ZFHX3: variants seen among roughly 807,000 people sequenced by gnomAD.
ZFHX3 encodes zinc finger homeobox 3.
A neutral mutation model predicts 279.1 loss-of-function variants in ZFHX3; 42 were observed. The ratio of observed to expected loss-of-function variants is 0.15; its 90% CI spans 0.12 to 0.19. The LOEUF (loss-of-function observed/expected upper bound fraction) is 0.19. ZFHX3 is among the 10% of genes least tolerant of loss of function. ZFHX3 has a pLI of 1.00. For missense variants in ZFHX3, 4,981 were observed against 4,754.0 expected, an observed-to-expected ratio of 1.05 and a Z score of -1.40; for synonymous variants, 2,293 against 1,957.8, an observed-to-expected ratio of 1.17 and a Z score of -4.52.
At chr16:73,503,471 T>G (rs753484143) in intron 2 of ZFHX3, among the ~76,000 whole-genome samples, 2 of 152,188 alleles carry the variant, frequency 1.3e-5, no homozygotes, top group Non-Finnish European at 2.9e-5. Flanking sequence ...ACCGCACGTG[T>G]CTGCTCTTGG....
chr16:73,586,969 G>A (rs2051933611), intron 2 of ZFHX3, among the ~76,000 whole-genome samples: 1 of 151,946 alleles, frequency 6.6e-6, no homozygotes, highest in Non-Finnish European at 1.5e-5. Flanking sequence ...TGTAAATACT[G>A]ATGTCTTCCA....
chr16:73,125,268 G>A (rs1021247457), intron 7 of ZFHX3: 2 of 145,546 alleles, frequency 1.4e-5, no homozygotes, highest in Non-Finnish European at 3.0e-5. Context: ...TTGAGTTGTG[G>A]CTTGGAGAGA....
At chr16:73,890,144 G>A (rs1038455294) in intron 1 of ZFHX3, among the ~76,000 whole-genome samples, 8 of 150,158 alleles carry the variant, frequency 5.3e-5, no homozygotes, top group African/African-American at 2.0e-4. Flanking sequence ...GAGCGAATTT[G>A]ACTTCTAAAA....
Position 73,721,120 on chromosome 16 carries a change from TTTTC to T in ZFHX3, c.-1607-40884_-1607-40881del, listed in dbSNP as rs1337260699. ...AAGTTCTTCTTCCTCCATATTTTCT[TTTTC>T]TTTCTTTTTCTTTTTTTTGACAGAG... is the stretch of plus-strand genomic sequence containing the variant. On this transcript the variant is annotated intron_variant, in intron 1 of 17. Coordinates refer to the ZFHX3 transcript ENST00000641206. Among the ~76,000 whole-genome samples, 4 of 151,810 alleles carry T rather than the reference TTTTC, an allele frequency of 2.6e-5. No individual in the cohort carries two copies. In the East Asian group the frequency reaches 5.8e-4, roughly 22 times the overall value.
rs2036046727 is a variant in ZFHX3 at position 72,800,009 on chromosome 16, A to C, written c.3967+18T>G. The C allele has an allele frequency of 6.2e-7, 1 of 1,611,418 alleles. No homozygotes were observed. Among genetic ancestry groups the C allele is most frequent in the Admixed American group, 1.7e-5 (1 of 59,996 alleles). ...CATCTTGTTTCAATTTCTTGGGGTC[A>C]AGAATAATGATACTGACCAGGCTGC... On this transcript the variant is annotated intron_variant, in intron 8 of 9. Coordinates refer to ENST00000268489, the MANE Select transcript of ZFHX3 (RefSeq NM_006885.4).
At chr16:73,709,837 G>A (rs901839004) in intron 1 of ZFHX3, among the ~76,000 whole-genome samples, 3 of 152,234 alleles carry the variant, frequency 2.0e-5, no homozygotes, top group Admixed American at 6.5e-5. Context: ...GGTCAATGGA[G>A]CCACTCGATG....
At chr16:72,999,015 T>C (rs1963395974) in intron 1 of ZFHX3, among the ~76,000 whole-genome samples, 1 of 152,210 alleles carries the variant, frequency 6.6e-6, no homozygotes, top group Non-Finnish European at 1.5e-5. Context: ...CACATAAACA[T>C]CTCCTCATTC....
At chr16:72,835,499 T>C (rs1441293961) in intron 4 of ZFHX3, among the ~76,000 whole-genome samples, 1 of 152,228 alleles carries the variant, frequency 6.6e-6, no homozygotes, top group Non-Finnish European at 1.5e-5. Context: ...TAATTGTATA[T>C]AGGACCTCTT....
intron 7 of ZFHX3, among the ~76,000 whole-genome samples, chr16:73,104,502 T>C (rs1966270260): frequency 6.6e-6 from 1 of 152,174 alleles, no homozygotes; most frequent in Non-Finnish European, 1.5e-5. Flanking sequence ...AGTGCTGGGA[T>C]TACAGGCATG....
chr16:72,967,426 A>G (rs1961896406), intron 1 of ZFHX3, among the ~76,000 whole-genome samples: 1 of 152,212 alleles, frequency 6.6e-6, no homozygotes, highest in Non-Finnish European at 1.5e-5. Context: ...CCCAATGTGT[A>G]ACATAACAAT....
chr16:73,412,513 TCC>T (rs1384061771), intron 3 of ZFHX3, among the ~76,000 whole-genome samples: 1 of 151,138 alleles, frequency 6.6e-6, no homozygotes, highest in East Asian at 2.0e-4. Context: ...CTCCCTCCCC[TCC>T]CCTCCCCTTC....
Position 73,355,355 on chromosome 16 carries a change from G to C in ZFHX3, c.-1290-37019C>G, listed in dbSNP as rs553610033. 7.2e-5 allele frequency among the ~76,000 whole-genome samples: 11 copies of C among 152,178 alleles called. No homozygotes were observed. The South Asian group carries it at 2.1e-3, about 29-fold the overall frequency. On this transcript the variant is annotated intron_variant, in intron 3 of 17. Coordinates refer to the ZFHX3 transcript ENST00000641206. Reference sequence around the variant, plus strand: ...AAACCTGGCTTAAAAAATTCCATTTGGGTTTTTTTCTAACTCTGTAACTAG... The same window carrying C: ...AAACCTGGCTTAAAAAATTCCATTTCGGTTTTTTTCTAACTCTGTAACTAG...
intron 4 of ZFHX3, among the ~76,000 whole-genome samples, chr16:73,308,070 C>CT (rs1247852140): frequency 6.6e-6 from 1 of 151,498 alleles, no homozygotes; most frequent in Non-Finnish European, 1.5e-5. Context: ...GGAAAAGGCA[C>CT]TTAGAACTAG....
intron 6 of ZFHX3, among the ~76,000 whole-genome samples, chr16:73,140,218 G>A (rs1414746403): frequency 2.6e-5 from 4 of 151,912 alleles, no homozygotes; most frequent in African/African-American, 9.7e-5. Flanking sequence ...CTATGATCAT[G>A]TCACTACACT....
At chr16:73,124,257 G>T (rs889178124) in intron 7 of ZFHX3, among the ~76,000 whole-genome samples, 4 of 152,268 alleles carry the variant, frequency 2.6e-5, no homozygotes, top group African/African-American at 9.6e-5. Context: ...TCAAGGCACT[G>T]GGGACGGCAG....
chr16:72,943,433 T>C (rs1357248442), intron 3 of ZFHX3, among the ~76,000 whole-genome samples: 2 of 151,828 alleles, frequency 1.3e-5, no homozygotes, highest in African/African-American at 4.8e-5. Context: ...CTCAGGAGGG[T>C]GAGGCATGAG....
At chr16:73,562,327 G>C (rs1219913596) in intron 2 of ZFHX3, among the ~76,000 whole-genome samples, 1 of 152,132 alleles carries the variant, frequency 6.6e-6, no homozygotes, top group African/African-American at 2.4e-5. Flanking sequence ...CGGGCGCGGT[G>C]GCTCACACCT....
At chr16:73,756,434 G>A (rs541325721) in intron 1 of ZFHX3, among the ~76,000 whole-genome samples, 7 of 152,186 alleles carry the variant, frequency 4.6e-5, no homozygotes, top group South Asian at 2.1e-4. Flanking sequence ...GGTCCGTGCC[G>A]GGCCTGAGAT....
chr16:73,093,441 C>T, exon 8 of ZFHX3: 1 of 489,918 alleles, frequency 2.0e-6, no homozygotes, highest in South Asian at 1.5e-5. Flanking sequence ...GCCCCTTTCG[C>T]TCAGCTCTTT....
Sources: gnomAD v4.1 joint callset for allele counts (sites outside exome capture counted in the v4.1 genomes callset) on GRCh38, gnomAD v4.1.1 for gene constraint, MANE v1.5 for transcripts, NCBI Gene and HGNC (gene_info 2026-07-23, HGNC 2026-07-21) for gene names.